Variants in ARFGEF3 observed in about 807,000 individuals in gnomAD.
ARFGEF3 encodes ARFGEF family member 3, also known as brefeldin A-inhibited guanine nucleotide-exchange protein 3.
ARFGEF3 carries 96 observed loss-of-function variants against 221.7 expected under a neutral mutation model. That is an observed-to-expected ratio of 0.43 (90% CI 0.37 to 0.51). The LOEUF (loss-of-function observed/expected upper bound fraction) is 0.51, where lower values mean the gene tolerates loss of function less well. Among genes scored for constraint, ARFGEF3 ranks in the 20% least tolerant of loss-of-function variants. ARFGEF3 has a pLI of 0.00. For missense variants in ARFGEF3, 2,410 were observed against 2,789.9 expected (o/e 0.86, Z 3.07); for synonymous variants, 1,145 against 1,126.8 (o/e 1.02, Z -0.32).
Position 138,344,631 on chromosome 6 carries a change from C to A in ARFGEF3, c.*8145C>A, listed in dbSNP as rs750571893. On this transcript the variant is annotated 3_prime_UTR_variant, in exon 34 of 34. Coordinates refer to ENST00000251691, the MANE Select transcript of ARFGEF3 (RefSeq NM_020340.5). Reference sequence around the variant, plus strand: ...TGCATTAAAAATCTGGTACATGAAACAATTGTGTTTACTGAATAAATATAT... The same window carrying A: ...TGCATTAAAAATCTGGTACATGAAAAAATTGTGTTTACTGAATAAATATAT... 1 of 152,058 alleles carries A rather than the reference C, an allele frequency of 6.6e-6. No homozygotes were observed. The highest frequency in any genetic ancestry group is 1.5e-5 in the Non-Finnish European group (1 of 67,996). 9.4% of individuals were successfully genotyped at this position (152,058 alleles called of 1,614,324 possible). A position where few individuals can be genotyped will look rare whatever the true frequency, so the allele number is the denominator to read the frequency against.
Position 138,285,988 on chromosome 6 carries a change from T to A in ARFGEF3, c.2504T>A (p.Met835Lys), listed in dbSNP as rs1169495030. ...AGCAGTGCCATTGGTGGCCAGCTGA[T>A]GGCCTCGGCTGCTACAGAGTCTCCT... ...LESSAIGGQL[M>K]ASAATESPFA... The change falls in exon 15 of 34, where the codon ATG becomes AAG. Residue 835 changes from methionine to lysine, a missense_variant. Met to Lys is a moderately conservative substitution (Grantham distance 95). Coordinates refer to ENST00000251691, the MANE Select transcript of ARFGEF3 (RefSeq NM_020340.5). The A allele has an allele frequency of 6.2e-7, 1 of 1,611,566 alleles. No individual in the cohort carries two copies. The highest frequency in any genetic ancestry group is 1.7e-5 in the Admixed American group (1 of 60,028).
In ARFGEF3 at chr6:138,298,765, G is replaced by A; in HGVS notation, c.3808G>A (p.Asp1270Asn). Reference sequence around the variant, plus strand: ...GCGCATTATGCAGCTGGAATTGTGTGATGAGGACGTCCAAGACCAGGTCAG... The same window carrying A: ...GCGCATTATGCAGCTGGAATTGTGTAATGAGGACGTCCAAGACCAGGTCAG... ...FERIMQLELCDEDVQDQVVTS... is the reference protein window; with the variant it reads ...FERIMQLELCNEDVQDQVVTS... Residue 1270 changes from aspartate (D) to asparagine (N), a missense_variant, in exon 22 of 34, where the codon GAT becomes AAT. By Grantham distance (23) the Asp-to-Asn change is conservative. Around this residue, in one of 5 missense-constraint regions of ARFGEF3, gnomAD observed 723 missense variants for 991.9 expected, o/e 0.73. Coordinates refer to ENST00000251691, the MANE Select transcript of ARFGEF3 (RefSeq NM_020340.5). 6.2e-7 allele frequency: 1 copy of A among 1,612,696 alleles called. No homozygotes were observed. Among genetic ancestry groups the A allele is most frequent in the Non-Finnish European group, 8.5e-7 (1 of 1,179,538 alleles).
chr6:138,259,464 CT>C (rs201142108), intron 10 of ARFGEF3, among the ~76,000 whole-genome samples: 2,083 of 152,284 alleles, frequency 0.014, 33 homozygotes, highest in Middle Eastern at 0.054. Context: ...TAGAAGCCCC[CT>C]AGTCTTTATC....
Position 138,324,046 on chromosome 6 carries a change from CG to C in ARFGEF3, c.4895del (p.Gly1632AlafsTer85). ...VKDLLGCFHS[G>X]TESFSGEGCQ... is the part of the protein sequence containing the mutation. ...AGGACCTGCTGGGCTGCTTCCACAG[CG>C]GCACGGAGAGCTTCAGCGGGGAAGG... On this transcript the variant is annotated frameshift_variant, in exon 31 of 34. Transcript: ENST00000251691. LOFTEE classifies it high-confidence loss of function. 6.2e-7 allele frequency: 1 copy of C among 1,613,758 alleles called. No individual in the cohort carries two copies. The highest frequency in any genetic ancestry group is 1.3e-5 in the African/African-American group (1 of 75,034).
rs1780347976 is a variant in ARFGEF3, at chr6:138,337,405, G to C, written c.*919G>C. 1 of 152,648 alleles carries C rather than the reference G, an allele frequency of 6.6e-6. No homozygotes were observed. The highest frequency in any genetic ancestry group is 2.4e-5 in the African/African-American group (1 of 41,450). 9.5% of individuals were successfully genotyped at this position (152,648 alleles called of 1,614,324 possible). A position where few individuals can be genotyped will look rare whatever the true frequency, so the allele number is the denominator to read the frequency against. On this transcript the variant is annotated 3_prime_UTR_variant, in exon 34 of 34. Coordinates refer to ENST00000251691, the MANE Select transcript of ARFGEF3 (RefSeq NM_020340.5). ...CACAATTGTCTGAACATAAGGTATAGCATTTGGTTTTTAAGAAAACAAAAC... is the reference window on the plus strand; with the variant it reads ...CACAATTGTCTGAACATAAGGTATACCATTTGGTTTTTAAGAAAACAAAAC...
In ARFGEF3 at chr6:138,291,080, G is replaced by A. The variant is rs913323647; in HGVS notation, c.3048-653G>A. On this transcript the variant is annotated intron_variant, in intron 18 of 33. Transcript: ENST00000251691. The surrounding 1 kb of genome is among the most constrained non-coding windows in gnomAD (Gnocchi z 4.5). Reference sequence around the variant, plus strand: ...CTTACTCCGAGATGAGGGACCTTGCGAACCATCTTCGTCCCAGGTTCTGTT... The same window carrying A: ...CTTACTCCGAGATGAGGGACCTTGCAAACCATCTTCGTCCCAGGTTCTGTT... 2.6e-5 allele frequency among the ~76,000 whole-genome samples: 4 copies of A among 152,066 alleles called. No homozygotes were observed. Among genetic ancestry groups the A allele is most frequent in the African/African-American group, 7.2e-5 (3 of 41,400 alleles).
At chr6:138,243,243 C>T (rs1778426607) in intron 7 of ARFGEF3, among the ~76,000 whole-genome samples, 1 of 152,188 alleles carries the variant, frequency 6.6e-6, no homozygotes. Context: ...TAACGCTTCA[C>T]ATACCTCTCA....
chr6:138,238,369 T>C, intron 5 of ARFGEF3, 140 bp from the exon 6 acceptor site: 2 of 687,226 alleles, frequency 2.9e-6, no homozygotes, highest in South Asian at 3.4e-5. Flanking sequence ...TATTTAGTTA[T>C]ATTTAGTAAT....
intron 10 of ARFGEF3, among the ~76,000 whole-genome samples, chr6:138,256,966 G>T (rs1778694421): frequency 2.6e-5 from 4 of 152,002 alleles, no homozygotes. Flanking sequence ...TGTATTTTTT[G>T]TAGAGACGTG....
In ARFGEF3 at chr6:138,334,714, T is replaced by A. The variant is rs1213488924; in HGVS notation, c.5868T>A (p.Ser1956=). 2 of 1,609,312 alleles carry A rather than the reference T, an allele frequency of 1.2e-6. No homozygotes were observed. Among genetic ancestry groups the A allele is most frequent in the Non-Finnish European group, 1.7e-6 (2 of 1,176,598 alleles). Residue 1956 remains serine (S), a synonymous_variant, in exon 33 of 34, where the codon TCT becomes TCA. Transcript: ENST00000251691. The surrounding 1 kb of genome is among the most constrained non-coding windows in gnomAD (Gnocchi z 5.1). ...ESSTPSTGGF[S]GKETPSEDDR... is the part of the protein sequence containing the mutation. ...CCACCCCATCCACCGGGGGCTTCTC[T>A]GGGAAAGAAACCCCTTCCGAGGATG...
At chr6:138,326,853 A>G (rs937886263) in intron 31 of ARFGEF3, among the ~76,000 whole-genome samples, 2 of 152,226 alleles carry the variant, frequency 1.3e-5, no homozygotes, top group Non-Finnish European at 2.9e-5. Context: ...AATACATGGA[A>G]TCAACCCCAA....
At chr6:138,322,481 A>G in intron 29 of ARFGEF3, among the ~76,000 whole-genome samples, 1 of 152,188 alleles carries the variant, frequency 6.6e-6, no homozygotes, top group Non-Finnish European at 1.5e-5. Context: ...AGATGAATGC[A>G]TAAAGGAAAT....
chr6:138,233,591 C>T (rs565524629), intron 5 of ARFGEF3, among the ~76,000 whole-genome samples: 1 of 152,238 alleles, frequency 6.6e-6, no homozygotes, highest in South Asian at 2.1e-4. Flanking sequence ...ATTGGCCAGG[C>T]TGGTCTCTAA....
At chr6:138,281,482 C>T (rs1209664997) in intron 14 of ARFGEF3, among the ~76,000 whole-genome samples, 1 of 152,240 alleles carries the variant, frequency 6.6e-6, no homozygotes, top group Non-Finnish European at 1.5e-5. Flanking sequence ...TCCTGCCTTG[C>T]AGTCCCCAGT....
At position 138,333,961 on chromosome 6, in the gene ARFGEF3, C is replaced by T. The variant is rs369392975; in HGVS notation, c.5124-9C>T. 3.1e-6 allele frequency: 5 copies of T among 1,597,054 alleles called. No individual in the cohort carries two copies. Among genetic ancestry groups the T allele is most frequent in the Non-Finnish European group, 4.3e-6 (5 of 1,168,964 alleles). ...AACCATTAATCGAGCCCTCTCTTTT[C>T]ACTTGAAGCGTGTCTTTCAGGGAAA... On this transcript the variant is annotated splice_polypyrimidine_tract_variant and intron_variant, in intron 32 of 33. Transcript: ENST00000251691.
At chr6:138,238,168 T>C (rs1447780160) in intron 5 of ARFGEF3, among the ~76,000 whole-genome samples, 8 of 152,192 alleles carry the variant, frequency 5.3e-5, no homozygotes, top group Non-Finnish European at 1.2e-4. Flanking sequence ...TCTATTTCAC[T>C]ACGAAGGGAG....
chr6:138,262,330 C>T (rs1169502012), intron 11 of ARFGEF3, among the ~76,000 whole-genome samples: 1 of 151,872 alleles, frequency 6.6e-6, no homozygotes, highest in Non-Finnish European at 1.5e-5. Context: ...GCTGGGATTA[C>T]AGGCACATAC....
chr6:138,284,891 T>A (rs1396114284), intron 14 of ARFGEF3, among the ~76,000 whole-genome samples: 1 of 152,240 alleles, frequency 6.6e-6, no homozygotes, highest in Non-Finnish European at 1.5e-5. Context: ...GCTCCAAGGC[T>A]ACATACCTGC....
chr6:138,328,778 T>G (rs1780170176), intron 32 of ARFGEF3, among the ~76,000 whole-genome samples: 1 of 152,020 alleles, frequency 6.6e-6, no homozygotes, highest in Non-Finnish European at 1.5e-5. Context: ...TCACTTAAGC[T>G]CAGAAGTTTG....
Sources: gnomAD v4.1 joint callset for allele counts (sites outside exome capture counted in the v4.1 genomes callset) on GRCh38, gnomAD v4.1.1 for gene constraint, gnomAD v4.1.1 regional missense constraint, Gnocchi (gnomAD v3.1) non-coding constraint, MANE v1.5 for transcripts, NCBI Gene and HGNC (gene_info 2026-07-23, HGNC 2026-07-21) for gene names.